MAP3K3: variants seen among roughly 807,000 people sequenced by gnomAD.
The protein encoded by MAP3K3 is mitogen-activated protein kinase kinase kinase 3, also known as MAP/ERK kinase kinase 3.
In MAP3K3, 12 loss-of-function variants were observed where a neutral mutation model predicts 80.9. The observed-to-expected ratio is 0.15, with a 90% CI of 0.10 to 0.24. The LOEUF (loss-of-function observed/expected upper bound fraction) is 0.24. Among genes scored for constraint, MAP3K3 ranks in the 10% least tolerant of loss-of-function variants. MAP3K3 has a pLI of 1.00. For synonymous variants in MAP3K3, 272 were observed against 307.1 expected (o/e 0.89, Z 1.19); for missense variants, 596 against 834.7 (o/e 0.71, Z 3.52).
Position 63,648,644 on chromosome 17 carries a change from G to A in MAP3K3, c.167+2570G>A, listed in dbSNP as rs529389186. Among the ~76,000 whole-genome samples, 15 of 152,126 alleles carry A rather than the reference G, an allele frequency of 9.9e-5. No homozygotes were observed. The East Asian group carries it at 2.9e-3, about 29-fold the overall frequency. The stretch of plus-strand genomic sequence containing the variant: ...TTCGAGACCAATATGGTGAAACCCC[G>A]TCTCTACTAAAAATACAAAAATTAG... On this transcript the variant is annotated intron_variant, in intron 3 of 15. Transcript: ENST00000361733.
chr17:63,690,768 T>C (rs751109085), intron 12 of MAP3K3, among the ~76,000 whole-genome samples: 30 of 152,106 alleles, frequency 2.0e-4, no homozygotes, highest in Non-Finnish European at 4.3e-4. Flanking sequence ...TTGGTCCAGC[T>C]CTAGAGGAGG....
At chr17:63,680,089 T>C (rs188268464) in intron 6 of MAP3K3, among the ~76,000 whole-genome samples, 18 of 152,278 alleles carry the variant, frequency 1.2e-4, no homozygotes, top group African/African-American at 4.3e-4. Flanking sequence ...GCTACCAAAC[T>C]TGGTCTCTCT....
At chr17:63,624,445 A>G (rs562742202) in intron 1 of MAP3K3, among the ~76,000 whole-genome samples, 1 of 152,326 alleles carries the variant, frequency 6.6e-6, no homozygotes, top group East Asian at 1.9e-4. Flanking sequence ...TGTGTTGACT[A>G]CATCTCATTA....
chr17:63,663,512 A>G (rs2034938116), intron 5 of MAP3K3, among the ~76,000 whole-genome samples: 1 of 152,142 alleles, frequency 6.6e-6, no homozygotes, highest in Non-Finnish European at 1.5e-5. Context: ...AAAAAAAAAA[A>G]AAAGTTTAGA....
intron 1 of MAP3K3, among the ~76,000 whole-genome samples, chr17:63,627,871 A>G (rs2034134058): frequency 6.6e-6 from 1 of 151,472 alleles, no homozygotes; most frequent in Non-Finnish European, 1.5e-5. Context: ...GGTGTGAGCC[A>G]ATGCGCCCGG....
chr17:63,680,141 C>G (rs2035300574), intron 6 of MAP3K3, among the ~76,000 whole-genome samples: 1 of 152,198 alleles, frequency 6.6e-6, no homozygotes, highest in Non-Finnish European at 1.5e-5. Flanking sequence ...GCCTGCAGTT[C>G]CATTTCAGAA....
chr17:63,655,497 T>C (rs2034748816), intron 4 of MAP3K3, among the ~76,000 whole-genome samples: 1 of 152,156 alleles, frequency 6.6e-6, no homozygotes, highest in African/African-American at 2.4e-5. Flanking sequence ...AGTTTTGTTT[T>C]TGTTTTTGGT....
At chr17:63,645,477 G>A (rs2034523921) in intron 2 of MAP3K3, among the ~76,000 whole-genome samples, 1 of 152,198 alleles carries the variant, frequency 6.6e-6, no homozygotes, top group African/African-American at 2.4e-5. Flanking sequence ...AGTGGCAGCA[G>A]CAGCAAAAAC....
chr17:63,635,929 G>A (rs1256826752), intron 2 of MAP3K3, among the ~76,000 whole-genome samples: 1 of 152,178 alleles, frequency 6.6e-6, no homozygotes, highest in African/African-American at 2.4e-5. Flanking sequence ...GTTGAAAGAA[G>A]CTAAGCATTT....
At chr17:63,678,291 G>A (rs916518590) in intron 6 of MAP3K3, among the ~76,000 whole-genome samples, 2 of 152,042 alleles carry the variant, frequency 1.3e-5, no homozygotes, top group Admixed American at 1.3e-4. Context: ...TGCTCTGTTA[G>A]TTCATGGTAC....
intron 8 of MAP3K3, among the ~76,000 whole-genome samples, chr17:63,685,868 G>A (rs73992359): frequency 0.032 from 4,878 of 152,256 alleles, 277 homozygotes; most frequent in African/African-American, 0.11. Context: ...TGCCGCTCTC[G>A]TACTTTTGGC....
chr17:63,681,303 A>G (rs1464971562), intron 6 of MAP3K3, among the ~76,000 whole-genome samples: 1 of 152,004 alleles, frequency 6.6e-6, no homozygotes. Context: ...ATGCACAGGT[A>G]TATTCAGTTA....
intron 3 of MAP3K3, among the ~76,000 whole-genome samples, chr17:63,649,931 C>T (rs1167092274): frequency 1.3e-5 from 2 of 152,212 alleles, no homozygotes; most frequent in African/African-American, 4.8e-5. Flanking sequence ...TTGCTTCTTC[C>T]TCTGGTTACA....
intron 3 of MAP3K3, among the ~76,000 whole-genome samples, chr17:63,652,151 T>C (rs1485062375): frequency 1.3e-5 from 2 of 152,192 alleles, no homozygotes; most frequent in African/African-American, 4.8e-5. Context: ...TTAAGCCCAG[T>C]ATGCATTAGC....
chr17:63,670,505 C>T (rs2035083227), intron 6 of MAP3K3, among the ~76,000 whole-genome samples: 1 of 149,824 alleles, frequency 6.7e-6, no homozygotes, highest in Non-Finnish European at 1.5e-5. Flanking sequence ...ATCACTTGAA[C>T]CTGAGAGATC....
chr17:63,650,648 C>G (rs997293844), intron 3 of MAP3K3, among the ~76,000 whole-genome samples: 1 of 145,848 alleles, frequency 6.9e-6, no homozygotes, highest in African/African-American at 2.7e-5. Flanking sequence ...TTCTCTCTCT[C>G]TGTCTCTTAT....
rs544694550 is a variant in MAP3K3, at chr17:63,634,578, A to G, written c.126+1776A>G. Reference sequence around the variant, plus strand: ...TGGTTATGAAGGCAGAAGCCTAAAAAGGATTGACTGTTAGGAAGTAATCTT... The same window carrying G: ...TGGTTATGAAGGCAGAAGCCTAAAAGGGATTGACTGTTAGGAAGTAATCTT... On this transcript the variant is annotated intron_variant, in intron 2 of 15. Transcript: ENST00000361733. The G allele has an allele frequency of 5.3e-5, 39 of 737,810 alleles. No individual in the cohort carries two copies. In the South Asian group the frequency reaches 6.9e-4, roughly 13 times the overall value. The allele number at this position is 737,810 out of a possible 1,614,324, so 45.7% of individuals were successfully genotyped here.
rs201618030 is a variant in MAP3K3 at position 63,662,854 on chromosome 17, G to GA, written c.382-4086_382-4085insA. On this transcript the variant is annotated intron_variant, in intron 5 of 15. Coordinates refer to ENST00000361733, the MANE Select transcript of MAP3K3 (RefSeq NM_002401.5). Reference sequence around the variant, plus strand: ...TGTATTTTTAGTGGAGATGGGGTTGGGCGGGGGGCGGTCCTCACCATGTTG... The same window carrying GA: ...TGTATTTTTAGTGGAGATGGGGTTGGAGCGGGGGGCGGTCCTCACCATGTTG... Among the ~76,000 whole-genome samples the GA allele has an allele frequency of 3.0e-3, 449 of 150,946 alleles. 1 individual carries two copies. Among genetic ancestry groups the GA allele is most frequent in the Non-Finnish European group, 4.9e-3 (335 of 67,682 alleles).
intron 2 of MAP3K3, among the ~76,000 whole-genome samples, chr17:63,641,756 T>A (rs146804194): frequency 1.3e-5 from 2 of 152,182 alleles, no homozygotes; most frequent in African/African-American, 4.8e-5. Context: ...ATCATCTATT[T>A]AGAGGCCCAC....
Sources: gnomAD v4.1 joint callset for allele counts (sites outside exome capture counted in the v4.1 genomes callset) on GRCh38, gnomAD v4.1.1 for gene constraint, MANE v1.5 for transcripts, NCBI Gene and HGNC (gene_info 2026-07-23, HGNC 2026-07-21) for gene names.